Variants in SORCS3 observed in about 807,000 individuals in gnomAD.
The protein encoded by SORCS3 is VPS10 domain-containing receptor SorCS3.
SORCS3 carries 57 observed loss-of-function variants against 146.3 expected under a neutral mutation model. That is an observed-to-expected ratio of 0.39 (90% CI 0.31 to 0.49). The LOEUF is 0.49. Ranked by LOEUF, SORCS3 falls within the 20% of genes least tolerant of loss-of-function variation. SORCS3 has a pLI of 0.92. For synonymous variants in SORCS3, 653 were observed against 618.5 expected (o/e 1.06, Z -0.83); for missense variants, 1,341 against 1,575.5 (o/e 0.85, Z 2.52).
chr10:104,975,021 G>C (rs1238404987), intron 3 of SORCS3, among the ~76,000 whole-genome samples: 1 of 151,996 alleles, frequency 6.6e-6, no homozygotes, highest in Non-Finnish European at 1.5e-5. Flanking sequence ...TCAAATATTG[G>C]CCCCCACTCT....
At chr10:104,955,225 T>C (rs2133629539) in intron 3 of SORCS3, among the ~76,000 whole-genome samples, 1 of 152,146 alleles carries the variant, frequency 6.6e-6, no homozygotes, top group Non-Finnish European at 1.5e-5. Context: ...ATTTTCTTCC[T>C]GCAGATTTCC....
intron 1 of SORCS3, among the ~76,000 whole-genome samples, chr10:104,725,918 G>A (rs557992445): frequency 6.6e-5 from 10 of 152,346 alleles, no homozygotes; most frequent in Non-Finnish European, 7.3e-5. Flanking sequence ...GACCCCTTGC[G>A]CTTCCCGGGT....
chr10:104,993,052 G>A (rs182390971), intron 4 of SORCS3, among the ~76,000 whole-genome samples: 40 of 152,228 alleles, frequency 2.6e-4, no homozygotes, highest in Non-Finnish European at 5.3e-4. Context: ...ATTTTTGACT[G>A]CCTAGAAGTC....
chr10:104,802,445 A>T (rs1224508062), intron 1 of SORCS3, among the ~76,000 whole-genome samples: 1 of 152,220 alleles, frequency 6.6e-6, no homozygotes, highest in Non-Finnish European at 1.5e-5. Context: ...TTACAGAAAG[A>T]GGTGCTAGGC....
intron 1 of SORCS3, among the ~76,000 whole-genome samples, chr10:104,721,671 TCTC>T (rs2016551234): frequency 6.6e-6 from 1 of 152,252 alleles, no homozygotes; most frequent in East Asian, 1.9e-4. Flanking sequence ...GGTTTGTAGT[TCTC>T]CTTGAAGAGG....
intron 5 of SORCS3, among the ~76,000 whole-genome samples, chr10:105,069,784 CA>C (rs1377258820): frequency 1.3e-5 from 2 of 152,198 alleles, no homozygotes; most frequent in African/African-American, 4.8e-5. Flanking sequence ...CTGCACCTAT[CA>C]ACAGATGGAT....
intron 11 of SORCS3, among the ~76,000 whole-genome samples, chr10:105,160,599 C>T (rs1471892742): frequency 1.3e-5 from 2 of 152,120 alleles, no homozygotes; most frequent in African/African-American, 4.8e-5. Flanking sequence ...TGCACTCCAG[C>T]CTGGGTGACA....
At chr10:104,996,517 A>G (rs886299127) in intron 4 of SORCS3, among the ~76,000 whole-genome samples, 5 of 152,202 alleles carry the variant, frequency 3.3e-5, no homozygotes, top group African/African-American at 1.2e-4. Flanking sequence ...CATAGAACAA[A>G]TGGAAAAATC....
chr10:104,871,411 C>T (rs2018517673), intron 2 of SORCS3, among the ~76,000 whole-genome samples: 1 of 152,154 alleles, frequency 6.6e-6, no homozygotes, highest in African/African-American at 2.4e-5. Flanking sequence ...GTGCAGTGTC[C>T]TTTTAAGAAT....
chr10:104,958,139 C>T (rs768156832), intron 3 of SORCS3, among the ~76,000 whole-genome samples: 3 of 152,148 alleles, frequency 2.0e-5, no homozygotes, highest in Non-Finnish European at 4.4e-5. Flanking sequence ...CATTGCCTTG[C>T]TGTGCCCTCT....
intron 1 of SORCS3, among the ~76,000 whole-genome samples, chr10:104,643,377 G>A (rs1419240138): frequency 6.6e-6 from 1 of 152,236 alleles, no homozygotes; most frequent in Non-Finnish European, 1.5e-5. Context: ...ATACCAAAGT[G>A]CAGATTTCTT....
intron 5 of SORCS3, among the ~76,000 whole-genome samples, chr10:105,072,637 T>G (rs2055563890): frequency 7.0e-6 from 1 of 143,410 alleles, no homozygotes; most frequent in Admixed American, 7.3e-5. Flanking sequence ...GGAGGAAACC[T>G]TTTCTTTCTT....
chr10:105,169,845 G>C (rs1423301733), intron 13 of SORCS3, among the ~76,000 whole-genome samples: 9 of 152,078 alleles, frequency 5.9e-5, no homozygotes, highest in Non-Finnish European at 1.3e-4. Flanking sequence ...CTCCCATCAT[G>C]TTAAAAACTT....
At chr10:104,918,871 C>T (rs2019058797) in intron 3 of SORCS3, among the ~76,000 whole-genome samples, 1 of 152,314 alleles carries the variant, frequency 6.6e-6, no homozygotes, top group African/African-American at 2.4e-5. Context: ...TGAGGATTTT[C>T]CTAAGTGGCT....
At chr10:104,782,432 T>A (rs1218433192) in intron 1 of SORCS3, among the ~76,000 whole-genome samples, 1 of 152,128 alleles carries the variant, frequency 6.6e-6, no homozygotes, top group South Asian at 2.1e-4. Context: ...GAGCATCCTG[T>A]CACTGGAACC....
At chr10:104,995,846 C>CT (rs138123406) in intron 4 of SORCS3, among the ~76,000 whole-genome samples, 11,382 of 152,126 alleles carry the variant, frequency 0.075, 470 homozygotes, top group African/African-American at 0.1. Context: ...TTACAATTAT[C>CT]TTTTTATTTT....
intron 2 of SORCS3, among the ~76,000 whole-genome samples, chr10:104,876,058 A>G (rs1162786214): frequency 6.6e-6 from 1 of 152,170 alleles, no homozygotes. Flanking sequence ...TCAAATGCCA[A>G]TAAAGTAGCA....
intron 6 of SORCS3, among the ~76,000 whole-genome samples, chr10:105,103,221 G>T (rs2055798392): frequency 6.6e-6 from 1 of 152,066 alleles, no homozygotes; most frequent in South Asian, 2.1e-4. Flanking sequence ...CTGCTCCTCA[G>T]AGATCCCTGA....
At chr10:105,168,151 G>T (rs1443791441) in intron 13 of SORCS3, among the ~76,000 whole-genome samples, 1 of 151,798 alleles carries the variant, frequency 6.6e-6, no homozygotes, top group Non-Finnish European at 1.5e-5. Context: ...CAGAGGTGGG[G>T]ATGAAAGTTA....
Sources: allele counts gnomAD v4.1 joint callset (sites outside exome capture counted in the v4.1 genomes callset), GRCh38; gene constraint gnomAD v4.1.1; transcripts MANE v1.5; gene names NCBI Gene and HGNC (gene_info 2026-07-23, HGNC 2026-07-21).